The following KCNQ5 variants were observed in gnomAD, a reference collection of about 807,000 sequenced individuals.
KCNQ5 encodes potassium voltage-gated channel subfamily Q member 5, also known as potassium voltage-gated channel subfamily KQT member 5.
A neutral mutation model predicts 98.2 loss-of-function variants in KCNQ5; 30 were observed. The observed-to-expected ratio is 0.31, with a 90% confidence interval of 0.23 to 0.41. The LOEUF is 0.41. KCNQ5 is among the 10% of genes least tolerant of loss of function. The pLI is 1.00. For synonymous variants in KCNQ5, 458 were observed against 449.4 expected, an observed-to-expected ratio of 1.02 and a Z score of -0.24; for missense variants, 835 against 1,182.5, an observed-to-expected ratio of 0.71 and a Z score of 4.31.
intron 1 of KCNQ5, among the ~76,000 whole-genome samples, chr6:72,997,550 C>T (rs1282535391): frequency 5.3e-5 from 8 of 150,456 alleles, no homozygotes; most frequent in Non-Finnish European, 1.0e-4. Flanking sequence ...TAGAGGCGGG[C>T]GGATCACGAG....
chr6:73,144,810 A>T (rs765290511), intron 10 of KCNQ5, among the ~76,000 whole-genome samples: 1 of 152,352 alleles, frequency 6.6e-6, no homozygotes, highest in African/African-American at 2.4e-5. Context: ...ATCCTCCAGC[A>T]GGCTGGGCTG....
intron 1 of KCNQ5, among the ~76,000 whole-genome samples, chr6:72,821,298 T>C (rs955691228): frequency 6.6e-6 from 1 of 152,192 alleles, no homozygotes; most frequent in African/African-American, 2.4e-5. Flanking sequence ...AACTGTCCCC[T>C]AAGGAGTCAT....
chr6:73,030,601 A>G (rs1159655024), intron 2 of KCNQ5, among the ~76,000 whole-genome samples: 1 of 152,234 alleles, frequency 6.6e-6, no homozygotes. Flanking sequence ...TAGGTAGAAG[A>G]GGAGGAAGGC....
At chr6:73,091,738 G>GT (rs375713695) in intron 5 of KCNQ5, among the ~76,000 whole-genome samples, 1 of 135,050 alleles carries the variant, frequency 7.4e-6, no homozygotes, top group Non-Finnish European at 1.6e-5. Context: ...TGTTGTTGTT[G>GT]TTGTTTGGTT....
chr6:72,807,889 C>T (rs899663003), intron 1 of KCNQ5, among the ~76,000 whole-genome samples: 4 of 152,116 alleles, frequency 2.6e-5, no homozygotes, highest in Non-Finnish European at 4.4e-5. Flanking sequence ...AAGCTGCAAG[C>T]GCAAATCCCT....
At chr6:72,679,223 G>A (rs1353860046) in intron 1 of KCNQ5, among the ~76,000 whole-genome samples, 1 of 152,012 alleles carries the variant, frequency 6.6e-6, no homozygotes, top group East Asian at 1.9e-4. Flanking sequence ...CCATTACAGG[G>A]TATATACCCA....
intron 1 of KCNQ5, among the ~76,000 whole-genome samples, chr6:72,915,049 C>T (rs1780078223): frequency 6.6e-6 from 1 of 151,906 alleles, no homozygotes; most frequent in Admixed American, 6.6e-5. Flanking sequence ...ATACAAGAAC[C>T]AGAACATAGA....
At chr6:73,056,102 A>C (rs1168135297) in intron 3 of KCNQ5, among the ~76,000 whole-genome samples, 1 of 152,172 alleles carries the variant, frequency 6.6e-6, no homozygotes, top group African/African-American at 2.4e-5. Context: ...TATCCAAGAG[A>C]GTTCAAAGAT....
intron 1 of KCNQ5, among the ~76,000 whole-genome samples, chr6:72,865,771 G>A (rs1204087408): frequency 1.3e-5 from 2 of 152,154 alleles, no homozygotes; most frequent in African/African-American, 2.4e-5. Context: ...CCCTCATCCA[G>A]GAGGAATCCA....
In KCNQ5 at chr6:72,962,675, A is replaced by C. The variant is rs139497326; in HGVS notation, c.399-41233A>C. Among the ~76,000 whole-genome samples, 273 of 152,286 alleles carry C rather than the reference A, an allele frequency of 1.8e-3. 1 individual carries two copies. The highest frequency in any genetic ancestry group is 6.3e-3 in the African/African-American group (261 of 41,560). ...GAACTGAAATAAGGAGGAATTCAGG[A>C]GTAATTTATAGACTGTGTGGCAGCA... On this transcript the variant is annotated intron_variant, in intron 1 of 13. Transcript: ENST00000370398.
At chr6:72,872,996 G>T (rs1581935838) in intron 1 of KCNQ5, among the ~76,000 whole-genome samples, 1 of 152,040 alleles carries the variant, frequency 6.6e-6, no homozygotes, top group Admixed American at 6.6e-5. Flanking sequence ...TGCTCTAAAA[G>T]TGTCCAGAAA....
intron 1 of KCNQ5, among the ~76,000 whole-genome samples, chr6:72,848,375 G>A (rs1426719134): frequency 1.3e-5 from 2 of 152,022 alleles, no homozygotes; most frequent in Non-Finnish European, 2.9e-5. Context: ...CCCCCGACAG[G>A]CCCAGGTATG....
intron 1 of KCNQ5, among the ~76,000 whole-genome samples, chr6:72,968,977 A>T (rs1767745287): frequency 6.6e-6 from 1 of 152,158 alleles, no homozygotes; most frequent in South Asian, 2.1e-4. Context: ...TATACCTGAA[A>T]CTAAGGAGTT....
chr6:72,787,288 AT>A (rs1209035359), intron 1 of KCNQ5, among the ~76,000 whole-genome samples: 1 of 152,224 alleles, frequency 6.6e-6, no homozygotes, highest in Non-Finnish European at 1.5e-5. Context: ...GAACACAGCC[AT>A]ACTCATTCAT....
At chr6:72,921,714 A>G (rs1780408275) in intron 1 of KCNQ5, among the ~76,000 whole-genome samples, 2 of 152,202 alleles carry the variant, frequency 1.3e-5, no homozygotes, top group Non-Finnish European at 2.9e-5. Flanking sequence ...GTAAGTATTT[A>G]TTAATAAGTA....
intron 1 of KCNQ5, among the ~76,000 whole-genome samples, chr6:72,917,728 C>G (rs1430878935): frequency 6.6e-6 from 1 of 152,112 alleles, no homozygotes; most frequent in Non-Finnish European, 1.5e-5. Flanking sequence ...GCCTCAGCCT[C>G]CCAAAGTGCT....
chr6:72,927,133 T>C (rs1765464786), intron 1 of KCNQ5, among the ~76,000 whole-genome samples: 3 of 152,200 alleles, frequency 2.0e-5, no homozygotes, highest in Admixed American at 6.6e-5. Context: ...TGGCTAACTT[T>C]GGGCCCACTG....
At position 73,076,140 on chromosome 6, in the gene KCNQ5, C is replaced by T. The variant is rs777241682; in HGVS notation, c.617-1182C>T. Among the ~76,000 whole-genome samples the T allele has an allele frequency of 1.2e-4, 19 of 152,136 alleles. No individual in the cohort carries two copies. In the East Asian group the frequency reaches 1.3e-3, roughly 11 times the overall value. On this transcript the variant is annotated intron_variant, in intron 3 of 13. Transcript: ENST00000370398. ...CAAAGCACTGACCCAAAAAGGGGCA[C>T]CAGCAGAGAGGCTCAGAAGATCTTC...
rs140179858 is a variant in KCNQ5, at chr6:73,142,364, A to G, written c.1468+8723A>G. Among the ~76,000 whole-genome samples the G allele has an allele frequency of 1.2e-3, 182 of 152,128 alleles. 1 individual carries two copies. The highest frequency in any genetic ancestry group is 2.2e-3 in the Non-Finnish European group (150 of 67,998). On this transcript the variant is annotated intron_variant, in intron 10 of 13. Transcript: ENST00000370398. ...AAATTGCAGATTTCAACCAGTCCCT[A>G]TTGTCTTTCCAGGAACCCAAACCAC... is the stretch of plus-strand genomic sequence containing the variant.
Sources: gnomAD v4.1 joint callset for allele counts (sites outside exome capture counted in the v4.1 genomes callset) on GRCh38, gnomAD v4.1.1 for gene constraint, MANE v1.5 for transcripts, NCBI Gene and HGNC (gene_info 2026-07-23, HGNC 2026-07-21) for gene names.